The following DLG2 variants were observed in gnomAD, a reference collection of about 807,000 sequenced individuals.
The protein encoded by DLG2 is discs large MAGUK scaffold protein 2, also known as disks large homolog 2.
Under a neutral mutation model 132.5 loss-of-function variants are expected in DLG2, and 45 were observed. The observed-to-expected ratio is 0.34, with a 90% CI of 0.27 to 0.44. The LOEUF (loss-of-function observed/expected upper bound fraction) is 0.44. Ranked by LOEUF, DLG2 falls within the 20% of genes least tolerant of loss-of-function variation. DLG2 has a pLI of 1.00. For missense variants in DLG2, 1,045 were observed against 1,196.9 expected (o/e 0.87, Z 1.87); for synonymous variants, 424 against 419.6 (o/e 1.01, Z -0.13).
intron 18 of DLG2, among the ~76,000 whole-genome samples, chr11:83,713,662 T>C (rs1413357501): frequency 6.6e-6 from 1 of 152,218 alleles, no homozygotes; most frequent in Non-Finnish European, 1.5e-5. Context: ...GCTTTTATTG[T>C]AGATTTTAAT....
intron 7 of DLG2, among the ~76,000 whole-genome samples, chr11:84,310,463 T>C (rs2098275228): frequency 6.6e-6 from 1 of 152,182 alleles, no homozygotes; most frequent in Non-Finnish European, 1.5e-5. Context: ...GCAATAAATA[T>C]TGTCATTTTT....
At chr11:84,637,844 T>C (rs1455347264) in intron 6 of DLG2, among the ~76,000 whole-genome samples, 1 of 152,234 alleles carries the variant, frequency 6.6e-6, no homozygotes, top group Non-Finnish European at 1.5e-5. Context: ...AAGTAAGAGG[T>C]AAAATCTGAT....
chr11:83,514,790 T>C (rs989661757), intron 21 of DLG2, among the ~76,000 whole-genome samples: 3 of 152,202 alleles, frequency 2.0e-5, no homozygotes, highest in Admixed American at 2.0e-4. Flanking sequence ...GAGACAATCA[T>C]GTGGTTTTTG....
At chr11:84,573,788 T>G (rs1302709236) in intron 6 of DLG2, among the ~76,000 whole-genome samples, 1 of 152,198 alleles carries the variant, frequency 6.6e-6, no homozygotes, top group African/African-American at 2.4e-5. Flanking sequence ...ACACTGCCCA[T>G]TTCTCCTAGC....
chr11:84,046,600 G>A (rs963468753), intron 11 of DLG2, among the ~76,000 whole-genome samples: 1 of 151,482 alleles, frequency 6.6e-6, no homozygotes, highest in Admixed American at 6.6e-5. Context: ...AATGTACCTA[G>A]TTTGTTTCCT....
At chr11:85,483,292 G>A (rs1021419030) in intron 3 of DLG2, among the ~76,000 whole-genome samples, 1 of 152,218 alleles carries the variant, frequency 6.6e-6, no homozygotes, top group Non-Finnish European at 1.5e-5. Flanking sequence ...CAGGCCAAGA[G>A]AGAGTGAGAT....
intron 21 of DLG2, among the ~76,000 whole-genome samples, chr11:83,522,315 T>G (rs968993529): frequency 2.4e-5 from 3 of 123,390 alleles, no homozygotes; most frequent in African/African-American, 9.6e-5. Context: ...TGTGTGTATA[T>G]GTATGTGTGT....
chr11:83,887,470 C>T (rs1207063913), intron 15 of DLG2, among the ~76,000 whole-genome samples: 1 of 151,900 alleles, frequency 6.6e-6, no homozygotes, highest in African/African-American at 2.4e-5. Context: ...GCTTACCAAC[C>T]AAAAAGAGTC....
At chr11:85,045,749 C>T (rs970220453) in intron 6 of DLG2, among the ~76,000 whole-genome samples, 4 of 151,920 alleles carry the variant, frequency 2.6e-5, no homozygotes, top group Non-Finnish European at 5.9e-5. Flanking sequence ...AGCTTAGGTG[C>T]TGTAATTTGA....
rs560124032 is a variant in DLG2, at chr11:85,228,374, T to A, written c.186+56846A>T. Among the ~76,000 whole-genome samples the A allele has an allele frequency of 2.6e-5, 4 of 152,170 alleles. No individual in the cohort carries two copies. In the South Asian group the frequency reaches 8.3e-4, roughly 32 times the overall value. On this transcript the variant is annotated intron_variant, in intron 4 of 27. Coordinates refer to ENST00000376104, the MANE Select transcript of DLG2 (RefSeq NM_001142699.3). The stretch of plus-strand genomic sequence containing the variant: ...AGAACAGTATTTCACATGATAGAAA[T>A]GTTTAAGAAGAATCATGGAAGCAAG...
intron 4 of DLG2, among the ~76,000 whole-genome samples, chr11:85,280,611 T>C (rs1205317839): frequency 6.6e-6 from 1 of 151,920 alleles, no homozygotes; most frequent in South Asian, 2.1e-4. Flanking sequence ...CACACACATA[T>C]ACTTAAAGCA....
At chr11:84,112,006 CT>C (rs200567731) in intron 9 of DLG2, among the ~76,000 whole-genome samples, 6 of 151,720 alleles carry the variant, frequency 4.0e-5, no homozygotes, top group African/African-American at 4.8e-5. Flanking sequence ...TTTTTAACCA[CT>C]TTTTTTTCCC....
chr11:85,543,909 A>G (rs2076132759), intron 3 of DLG2, among the ~76,000 whole-genome samples: 2 of 152,108 alleles, frequency 1.3e-5, no homozygotes, highest in Admixed American at 6.5e-5. Flanking sequence ...AGATGGATAG[A>G]TTGCAAAAAT....
chr11:85,144,965 G>C (rs182867967), intron 5 of DLG2, among the ~76,000 whole-genome samples: 19 of 152,124 alleles, frequency 1.2e-4, no homozygotes, highest in African/African-American at 3.9e-4. Flanking sequence ...TTTTCTTTTA[G>C]ATTAAAGAAC....
At chr11:85,272,773 C>A (rs1238297650) in intron 4 of DLG2, among the ~76,000 whole-genome samples, 2 of 151,874 alleles carry the variant, frequency 1.3e-5, no homozygotes, top group African/African-American at 4.8e-5. Flanking sequence ...CATATGGAAC[C>A]AAAAAAGAGC....
intron 6 of DLG2, among the ~76,000 whole-genome samples, chr11:85,001,061 C>G (rs1046345641): frequency 6.6e-6 from 1 of 151,972 alleles, no homozygotes; most frequent in Admixed American, 6.6e-5. Context: ...AAGAAGAACC[C>G]TTTTGCCCCA....
At chr11:85,234,767 C>G (rs2075491042) in intron 4 of DLG2, among the ~76,000 whole-genome samples, 1 of 151,890 alleles carries the variant, frequency 6.6e-6, no homozygotes, top group Non-Finnish European at 1.5e-5. Context: ...TAGGTTCTCT[C>G]CCTTATGAAT....
intron 3 of DLG2, among the ~76,000 whole-genome samples, chr11:85,474,333 G>C (rs992719770): frequency 6.6e-6 from 1 of 151,904 alleles, no homozygotes. Flanking sequence ...AATTTGAATT[G>C]AATCTGTATA....
At chr11:85,386,233 T>C (rs2086310702) in intron 3 of DLG2, among the ~76,000 whole-genome samples, 1 of 152,212 alleles carries the variant, frequency 6.6e-6, no homozygotes, top group African/African-American at 2.4e-5. Context: ...TACCACCTAT[T>C]ATTCTAACCA....
Sources: gnomAD v4.1 joint callset for allele counts (sites outside exome capture counted in the v4.1 genomes callset) on GRCh38, gnomAD v4.1.1 for gene constraint, MANE v1.5 for transcripts, NCBI Gene and HGNC (gene_info 2026-07-23, HGNC 2026-07-21) for gene names.